The following PTPN13 variants were observed in gnomAD, a reference collection of about 807,000 sequenced individuals.
PTPN13 encodes the protein tyrosine-protein phosphatase non-receptor type 13.
PTPN13 carries 191 observed loss-of-function variants against 284.0 expected under a neutral mutation model. The ratio of observed to expected loss-of-function variants is 0.67; its 90% CI spans 0.60 to 0.76. The LOEUF (loss-of-function observed/expected upper bound fraction) is 0.76, where lower values mean the gene tolerates loss of function less well. Ranked by LOEUF, PTPN13 falls within the 30% of genes least tolerant of loss-of-function variation. The pLI is 0.00. For missense variants in PTPN13, 2,797 were observed against 2,939.9 expected, an observed-to-expected ratio of 0.95 and a Z score of 1.12; for synonymous variants, 986 against 1,022.3, an observed-to-expected ratio of 0.96 and a Z score of 0.68.
At chr4:86,717,881 T>G (rs1221953603) in intron 9 of PTPN13, among the ~76,000 whole-genome samples, 3 of 152,096 alleles carry the variant, frequency 2.0e-5, no homozygotes, top group African/African-American at 7.3e-5. Context: ...TCACTGTATC[T>G]TTCCTGGCTT....
chr4:86,778,167 G>A (rs1740866466), intron 35 of PTPN13, among the ~76,000 whole-genome samples: 1 of 152,130 alleles, frequency 6.6e-6, no homozygotes, highest in South Asian at 2.1e-4. Context: ...ATGGAGTGAT[G>A]TATACTTGTG....
chr4:86,672,581 G>T, intron 3 of PTPN13, 38 bp downstream of exon 3: 5 of 1,494,456 alleles, frequency 3.3e-6, no homozygotes, highest in Non-Finnish European at 4.5e-6. Flanking sequence ...TTTTATTTGG[G>T]TGGGGATAGG....
chr4:86,623,861 CCTT>C (rs1444208413), intron 1 of PTPN13, among the ~76,000 whole-genome samples: 6 of 152,090 alleles, frequency 3.9e-5, no homozygotes, highest in African/African-American at 1.4e-4. Flanking sequence ...CCCTAGGCCT[CCTT>C]CTTAGTTATT....
intron 2 of PTPN13, among the ~76,000 whole-genome samples, chr4:86,645,301 C>G (rs1392346198): frequency 6.6e-6 from 1 of 152,190 alleles, no homozygotes; most frequent in African/African-American, 2.4e-5. Context: ...AACATTGACT[C>G]TTCCCCTAAG....
chr4:86,640,683 G>A (rs1345029384), intron 2 of PTPN13, among the ~76,000 whole-genome samples: 1 of 152,136 alleles, frequency 6.6e-6, no homozygotes, highest in Non-Finnish European at 1.5e-5. Context: ...AGTATATAAA[G>A]CATCTTGCAT....
Position 86,807,749 on chromosome 4 carries a change from T to TAGA in PTPN13, c.6938_6940dup (p.Glu2313dup). The TAGA allele has an allele frequency of 6.2e-7, 1 of 1,613,814 alleles. No homozygotes were observed. Among genetic ancestry groups the TAGA allele is most frequent in the Non-Finnish European group, 8.5e-7 (1 of 1,179,856 alleles). ...GTGATAGCCATGATGACTCAAGAAG[T>TAGA]AGAAGGAGAAAAAATCAAATGCCAG... On this transcript the variant is annotated inframe_insertion, in exon 45 of 48. Transcript: ENST00000411767.
At position 86,722,254 on chromosome 4, in the gene PTPN13, A is replaced by G. The variant is rs778051948; in HGVS notation, c.1428A>G (p.Gln476=). The change falls in exon 10 of 48, where the codon CAA becomes CAG. Residue 476 remains glutamine, a synonymous_variant. Transcript: ENST00000411767. ...CCTTTGAAGGCAACTTAATTAATCAAGAGATCATGCTAAAACGGCAAGAGG... is the reference window on the plus strand; with the variant it reads ...CCTTTGAAGGCAACTTAATTAATCAGGAGATCATGCTAAAACGGCAAGAGG... ...ETPFEGNLIN[Q]EIMLKRQEEE... 2 of 1,613,750 alleles carry G rather than the reference A, an allele frequency of 1.2e-6. No homozygotes were observed. The highest frequency in any genetic ancestry group is 1.1e-5 in the South Asian group (1 of 91,074).
intron 1 of PTPN13, among the ~76,000 whole-genome samples, chr4:86,618,965 G>A (rs1041365840): frequency 6.6e-6 from 1 of 152,104 alleles, no homozygotes; most frequent in African/African-American, 2.4e-5. Flanking sequence ...CCAACAGTAC[G>A]TTGAATAGGA....
chr4:86,675,258 A>C (rs1168707483), intron 3 of PTPN13, among the ~76,000 whole-genome samples: 1 of 152,184 alleles, frequency 6.6e-6, no homozygotes, highest in African/African-American at 2.4e-5. Context: ...TAGTCTGTCT[A>C]ATTGGAACTT....
chr4:86,672,245 T>C (rs773247058), intron 2 of PTPN13, 120 bp from the exon 3 acceptor site: 8 of 774,870 alleles, frequency 1.0e-5, no homozygotes, highest in Non-Finnish European at 1.3e-5. Flanking sequence ...TAACTACTTA[T>C]TAACATCTAT....
intron 2 of PTPN13, among the ~76,000 whole-genome samples, chr4:86,651,607 G>A (rs1725082167): frequency 6.6e-6 from 1 of 152,124 alleles, no homozygotes; most frequent in Non-Finnish European, 1.5e-5. Flanking sequence ...AAGCCATCAG[G>A]TCCTGGGCTT....
chr4:86,729,340 G>T (rs2149117321), intron 10 of PTPN13, among the ~76,000 whole-genome samples: 1 of 149,332 alleles, frequency 6.7e-6, no homozygotes, highest in Non-Finnish European at 1.5e-5. Flanking sequence ...TTCTCAAGGA[G>T]TATCTTTGTG....
chr4:86,742,162 A>G (rs1299668157), intron 16 of PTPN13, among the ~76,000 whole-genome samples: 1 of 152,230 alleles, frequency 6.6e-6, no homozygotes, highest in African/African-American at 2.4e-5. Context: ...TAAGAAAGAT[A>G]GTTATCTTAA....
intron 16 of PTPN13, among the ~76,000 whole-genome samples, chr4:86,743,754 G>T (rs1389970432): frequency 6.6e-6 from 1 of 152,150 alleles, no homozygotes; most frequent in Non-Finnish European, 1.5e-5. Context: ...AAATTGTAAA[G>T]ATGACAGGAT....
chr4:86,699,011 A>T (rs187997107), intron 6 of PTPN13, among the ~76,000 whole-genome samples: 1 of 152,220 alleles, frequency 6.6e-6, no homozygotes, highest in East Asian at 1.9e-4. Context: ...GATAAAGTAA[A>T]ATTATGAGGG....
At position 86,775,171 on chromosome 4, in the gene PTPN13, G is replaced by T; in HGVS notation, c.5509G>T (p.Val1837Phe). The stretch of plus-strand genomic sequence containing the variant: ...ACATGCCCCTTTCTTGTTTTTGTAG[G>T]TTAATGATACAGATGTTACTAATAT... ...RLKPGDRLIKVNDTDVTNMTH... is the reference protein window; with the variant it reads ...RLKPGDRLIKFNDTDVTNMTH... Residue 1837 changes from valine (V) to phenylalanine (F), a missense_variant and splice_region_variant, in exon 34 of 48, where the codon GTT becomes TTT. Coordinates refer to ENST00000411767, the MANE Select transcript of PTPN13 (RefSeq NM_080683.3). 1 of 1,580,482 alleles carries T rather than the reference G, an allele frequency of 6.3e-7. No individual in the cohort carries two copies. The highest frequency in any genetic ancestry group is 2.2e-5 in the East Asian group (1 of 44,462).
At chr4:86,792,081 A>T (rs1308439409) in intron 40 of PTPN13, among the ~76,000 whole-genome samples, 1 of 152,140 alleles carries the variant, frequency 6.6e-6, no homozygotes, top group East Asian at 1.9e-4. Context: ...GCATGTTCTA[A>T]CAAGTCGCAA....
At chr4:86,719,509 G>T (rs1177960510) in intron 9 of PTPN13, among the ~76,000 whole-genome samples, 1 of 152,078 alleles carries the variant, frequency 6.6e-6, no homozygotes, top group Non-Finnish European at 1.5e-5. Flanking sequence ...GGGATTGCTG[G>T]GTCTAATGGT....
chr4:86,692,614 G>C (rs1011292744), intron 5 of PTPN13, among the ~76,000 whole-genome samples: 9 of 152,066 alleles, frequency 5.9e-5, no homozygotes, highest in Admixed American at 2.0e-4. Flanking sequence ...ACAGTGGTCT[G>C]TCCAGTTTTT....
Sources: allele counts gnomAD v4.1 joint callset (sites outside exome capture counted in the v4.1 genomes callset), GRCh38; gene constraint gnomAD v4.1.1; transcripts MANE v1.5; gene names NCBI Gene and HGNC (gene_info 2026-07-23, HGNC 2026-07-21).